USH2A: variants seen among roughly 807,000 people sequenced by gnomAD.
USH2A encodes usherin.
Under a neutral mutation model 538.9 loss-of-function variants are expected in USH2A, and 443 were observed. That is an observed-to-expected ratio of 0.82 (90% CI 0.76 to 0.89). The LOEUF (loss-of-function observed/expected upper bound fraction) is 0.89, where lower values mean the gene tolerates loss of function less well. USH2A is among the 40% of genes least tolerant of loss of function. The probability of loss-of-function intolerance (pLI) is 0.00; values close to 1 mark genes in which losing one functional copy is unlikely to be tolerated. For missense variants in USH2A, 6,633 were observed against 6,324.8 expected, an observed-to-expected ratio of 1.05 and a Z score of -1.65; for synonymous variants, 2,413 against 2,273.5, an observed-to-expected ratio of 1.06 and a Z score of -1.75.
At chr1:216,147,386 G>A (rs2033732628) in intron 21 of USH2A, among the ~76,000 whole-genome samples, 1 of 152,004 alleles carries the variant, frequency 6.6e-6, no homozygotes, top group South Asian at 2.1e-4. Flanking sequence ...TCTTAAAAAG[G>A]TGGCTGGAGC....
At chr1:216,322,048 TA>T in intron 8 of USH2A, 72 bp from the exon 9 acceptor site, 2 of 1,393,392 alleles carry the variant, frequency 1.4e-6, no homozygotes, top group South Asian at 2.3e-5. Context: ...GTCCTAGGAC[TA>T]TATGCATTAT....
intron 47 of USH2A, among the ~76,000 whole-genome samples, chr1:215,825,493 T>C (rs1275342754): frequency 6.6e-6 from 1 of 152,210 alleles, no homozygotes; most frequent in Non-Finnish European, 1.5e-5. Context: ...GAAGACAGGT[T>C]CACATTACTA....
intron 38 of USH2A, among the ~76,000 whole-genome samples, chr1:215,925,418 G>A (rs1369629433): frequency 6.6e-6 from 1 of 152,052 alleles, no homozygotes; most frequent in African/African-American, 2.4e-5. Context: ...CAGCACATTT[G>A]GAAGATATAC....
At chr1:215,865,843 C>T (rs186203089) in intron 44 of USH2A, among the ~76,000 whole-genome samples, 1 of 152,266 alleles carries the variant, frequency 6.6e-6, no homozygotes. Flanking sequence ...TTGATATCCT[C>T]AATTCTGGCT....
At chr1:216,055,799 A>C (rs2030956870) in intron 30 of USH2A, among the ~76,000 whole-genome samples, 1 of 152,252 alleles carries the variant, frequency 6.6e-6, no homozygotes. Flanking sequence ...CATTTTACCC[A>C]AAAGGTGGAA....
At chr1:215,992,788 A>G (rs1366662952) in intron 35 of USH2A, among the ~76,000 whole-genome samples, 1 of 152,182 alleles carries the variant, frequency 6.6e-6, no homozygotes, top group African/African-American at 2.4e-5. Context: ...CATATTAAAC[A>G]ATGAGATGCA....
intron 34 of USH2A, among the ~76,000 whole-genome samples, chr1:215,995,099 T>C (rs1410363660): frequency 6.6e-6 from 1 of 152,166 alleles, no homozygotes; most frequent in African/African-American, 2.4e-5. Context: ...CTAAAATATT[T>C]CCCCTGCTAA....
chr1:215,835,918 T>C (rs1344669003), intron 47 of USH2A, among the ~76,000 whole-genome samples: 1 of 152,202 alleles, frequency 6.6e-6, no homozygotes, highest in Non-Finnish European at 1.5e-5. Flanking sequence ...TGTATAATAC[T>C]CTTTTTAATG....
intron 24 of USH2A, 115 bp downstream of exon 24, chr1:216,086,604 A>G: frequency 1.1e-6 from 1 of 906,350 alleles, no homozygotes; most frequent in Middle Eastern, 3.4e-4. Flanking sequence ...TGGCACATTA[A>G]TATAGAAAAT....
At chr1:215,937,521 G>C (rs1558170881) in intron 37 of USH2A, among the ~76,000 whole-genome samples, 1 of 151,996 alleles carries the variant, frequency 6.6e-6, no homozygotes, top group East Asian at 1.9e-4. Context: ...AAGAAACCTG[G>C]TTAAGATTAA....
chr1:216,100,038 G>T (rs1175928072), intron 21 of USH2A, among the ~76,000 whole-genome samples: 5 of 152,148 alleles, frequency 3.3e-5, no homozygotes, highest in Admixed American at 3.3e-4. Flanking sequence ...CAAGAATAAA[G>T]TTAGATCAAG....
At chr1:216,061,595 G>A (rs1033634935) in intron 30 of USH2A, among the ~76,000 whole-genome samples, 12 of 152,162 alleles carry the variant, frequency 7.9e-5, no homozygotes, top group African/African-American at 2.9e-4. Flanking sequence ...CAAATGTCCA[G>A]GCCACATTCC....
At chr1:216,367,549 A>G (rs1221996265) in intron 3 of USH2A, among the ~76,000 whole-genome samples, 8 of 152,162 alleles carry the variant, frequency 5.3e-5, no homozygotes, top group Non-Finnish European at 1.5e-5. Flanking sequence ...TTATCAACTC[A>G]TCACATATTT....
chr1:216,205,131 A>G (rs1010095317), intron 16 of USH2A, among the ~76,000 whole-genome samples: 1 of 152,172 alleles, frequency 6.6e-6, no homozygotes, highest in African/African-American at 2.4e-5. Context: ...TGATAGTTTT[A>G]AGTTTAATTT....
At position 216,252,985 on chromosome 1, in the gene USH2A, A is replaced by G. The variant is rs80032415; in HGVS notation, c.1972-1887T>C. Among the ~76,000 whole-genome samples the G allele has an allele frequency of 9.9e-3, 1,503 of 152,326 alleles. 23 individuals are homozygous for G. The highest frequency in any genetic ancestry group is 0.034 in the African/African-American group (1,410 of 41,576). On this transcript the variant is annotated intron_variant, in intron 11 of 71. Coordinates refer to ENST00000307340, the MANE Select transcript of USH2A (RefSeq NM_206933.4). The stretch of plus-strand genomic sequence containing the variant: ...ACAGGATCAGTCCTGTTCTCCAAAG[A>G]GATAGTAAACACCTTAAGGCATTGG...
At chr1:216,289,199 A>G in intron 11 of USH2A, 81 bp downstream of exon 11, 1 of 1,599,284 alleles carries the variant, frequency 6.3e-7, no homozygotes, top group Non-Finnish European at 8.6e-7. Context: ...TGCAGTCTTC[A>G]ATTCTACTAG....
intron 61 of USH2A, among the ~76,000 whole-genome samples, chr1:215,687,737 T>C (rs948057661): frequency 1.3e-5 from 2 of 152,152 alleles, no homozygotes; most frequent in African/African-American, 4.8e-5. Flanking sequence ...TGATAATCTA[T>C]TCTATGGAAA....
chr1:216,164,050 C>T (rs1215989343), intron 21 of USH2A, among the ~76,000 whole-genome samples: 3 of 152,022 alleles, frequency 2.0e-5, no homozygotes, highest in African/African-American at 7.2e-5. Context: ...TACTTAATTA[C>T]ATGTTTGATG....
At position 215,985,746 on chromosome 1, in the gene USH2A, T is replaced by A. The variant is rs867171389; in HGVS notation, c.6805+7274A>T. On this transcript the variant is annotated intron_variant, in intron 35 of 71. Coordinates refer to ENST00000307340, the MANE Select transcript of USH2A (RefSeq NM_206933.4). Reference sequence around the variant, plus strand: ...ATGAAAACTTATTTCTATAGCATCATCTCTTAATGTGAAGGACAACATGTA... The same window carrying A: ...ATGAAAACTTATTTCTATAGCATCAACTCTTAATGTGAAGGACAACATGTA... Among the ~76,000 whole-genome samples the A allele has an allele frequency of 2.4e-4, 36 of 152,278 alleles. No homozygotes were observed. In the Middle Eastern group the frequency reaches 0.017, roughly 72 times the overall value.
Sources: allele counts gnomAD v4.1 joint callset (sites outside exome capture counted in the v4.1 genomes callset), GRCh38; gene constraint gnomAD v4.1.1; transcripts MANE v1.5; gene names NCBI Gene and HGNC (gene_info 2026-07-23, HGNC 2026-07-21).